The following TENT4A variants were observed in gnomAD, a reference collection of about 807,000 sequenced individuals.
The protein encoded by TENT4A is DNA polymerase kappa.
In TENT4A, 7 loss-of-function variants were observed where a neutral mutation model predicts 72.8. The ratio of observed to expected loss-of-function variants is 0.10; its 90% CI spans 0.05 to 0.18. The LOEUF (loss-of-function observed/expected upper bound fraction) is 0.18. TENT4A is among the 10% of genes least tolerant of loss of function. The pLI is 1.00. For missense variants in TENT4A, 831 were observed against 1,017.7 expected, an observed-to-expected ratio of 0.82 and a Z score of 2.50; for synonymous variants, 456 against 434.3, an observed-to-expected ratio of 1.05 and a Z score of -0.62.
In TENT4A at chr5:6,738,687, A is replaced by G. The variant is rs373735447; in HGVS notation, c.845A>G (p.Gln282Arg). The G allele has an allele frequency of 1.2e-6, 2 of 1,612,498 alleles. No individual in the cohort carries two copies. Among genetic ancestry groups the G allele is most frequent in the South Asian group, 1.1e-5 (1 of 91,046 alleles). ...GGCAACCACTCTTTCTTTCAGGTAC[A>G]GATATTTGGCAGCTTTAGTACAGGT... ...VKDLWPTADV[Q>R]IFGSFSTGLY... The change falls in exon 3 of 13, where the codon CAG becomes CGG. Residue 282 changes from glutamine to arginine, a missense_variant. Around this residue, in one of 3 missense-constraint regions of TENT4A, gnomAD observed 197 missense variants for 399.6 expected, o/e 0.49. Transcript: ENST00000230859.
In TENT4A at chr5:6,713,981, T is replaced by A; in HGVS notation, c.-3T>A. ...GCGCGGGCCCCGCGGGGGCGGCGCG[T>A]GGATGGATCCGCGCGTGGCCTGGAT... On this transcript the variant is annotated 5_prime_UTR_variant, in exon 1 of 13. Transcript: ENST00000230859. The A allele has an allele frequency of 1.0e-6, 1 of 973,024 alleles. No individual in the cohort carries two copies. Among genetic ancestry groups the A allele is most frequent in the Non-Finnish European group, 1.2e-6 (1 of 822,032 alleles). 60.3% of individuals were successfully genotyped at this position (973,024 alleles called of 1,614,324 possible).
At chr5:6,732,929 C>A (rs1265802708) in intron 1 of TENT4A, among the ~76,000 whole-genome samples, 2 of 152,160 alleles carry the variant, frequency 1.3e-5, no homozygotes, top group African/African-American at 2.4e-5. Context: ...GATCCTACTT[C>A]TTTTCTACAC....
chr5:6,725,000 G>T (rs115323449), intron 1 of TENT4A, among the ~76,000 whole-genome samples: 1 of 152,228 alleles, frequency 6.6e-6, no homozygotes, highest in African/African-American at 2.4e-5. Context: ...AGAGCAAAGC[G>T]AGAATTGTCC....
At chr5:6,746,472 G>T (rs754238421) in intron 7 of TENT4A, 45 bp downstream of exon 7, 15 of 1,578,868 alleles carry the variant, frequency 9.5e-6, no homozygotes, top group Non-Finnish European at 1.3e-5. Flanking sequence ...GGCCAGCCTC[G>T]GGGACGTGCT....
chr5:6,714,775 T>G (rs1188986263), intron 1 of TENT4A, 76 bp downstream of exon 1: 118 of 508,678 alleles, frequency 2.3e-4, no homozygotes, highest in South Asian at 3.3e-4. Flanking sequence ...CAGACACCCG[T>G]CCCAGGCGCC....
intron 1 of TENT4A, 147 bp downstream of exon 1, chr5:6,714,846 T>G: frequency 2.9e-6 from 1 of 342,420 alleles, no homozygotes; most frequent in Non-Finnish European, 5.0e-6. Flanking sequence ...CACTGAAAGT[T>G]TTTTTTTTAA....
At chr5:6,742,635 G>A in intron 5 of TENT4A, 38 bp downstream of exon 5, 1 of 1,211,190 alleles carries the variant, frequency 8.3e-7, no homozygotes. Flanking sequence ...GAGAGTGCAG[G>A]ACTGGAGTGC....
intron 7 of TENT4A, 141 bp from the exon 8 acceptor site, chr5:6,748,323 G>T: frequency 9.0e-7 from 1 of 1,113,756 alleles, no homozygotes; most frequent in Admixed American, 1.8e-5. Context: ...CATTGTGTTC[G>T]CCTGTCTGGG....
Position 6,714,431 on chromosome 5 carries a change from T to C in TENT4A, c.448T>C (p.Phe150Leu). Residue 150 changes from phenylalanine (F) to leucine (L), a missense_variant, in exon 1 of 13, where the codon TTC becomes CTC. Transcript: ENST00000230859. ...GGGCGGCGGCCGCGGCGGCGCCTTC[T>C]TCAACTTCGCCGACGGCGCGCCCAG... ...RPGGGRGGAFFNFADGAPSAP... is the reference protein window; with the variant it reads ...RPGGGRGGAFLNFADGAPSAP... 1 of 1,164,510 alleles carries C rather than the reference T, an allele frequency of 8.6e-7. No homozygotes were observed. Among genetic ancestry groups the C allele is most frequent in the African/African-American group, 1.6e-5 (1 of 61,130 alleles). 72.1% of individuals were successfully genotyped at this position (1,164,510 alleles called of 1,614,324 possible). A position where few individuals can be genotyped will look rare whatever the true frequency, so the allele number is the denominator to read the frequency against.
In TENT4A at chr5:6,738,815, A is replaced by T. The variant is rs530064833; in HGVS notation, c.887+86A>T. ...TAAGGGCTACAAATAGATTCTTTGT[A>T]ATTGAGTCTAAGGCGAGAAATGCCA... is the stretch of plus-strand genomic sequence containing the variant. On this transcript the variant is annotated intron_variant, in intron 3 of 12. Transcript: ENST00000230859. The T allele has an allele frequency of 3.5e-4, 354 of 1,001,426 alleles. 1 individual carries two copies. The East Asian group carries it at 7.7e-3, about 22-fold the overall frequency. The allele number at this position is 1,001,426 out of a possible 1,614,324, so 62.0% of individuals were successfully genotyped here. A position where few individuals can be genotyped will look rare whatever the true frequency, so the allele number is the denominator to read the frequency against.
chr5:6,748,441 C>G, intron 7 of TENT4A, 23 bp from the exon 8 acceptor site: 2 of 1,613,192 alleles, frequency 1.2e-6, no homozygotes, highest in Non-Finnish European at 1.7e-6. Context: ...TGGGGAGGGT[C>G]TGACATAGCC....
intron 1 of TENT4A, among the ~76,000 whole-genome samples, chr5:6,735,928 T>C (rs1401752713): frequency 6.6e-6 from 1 of 152,090 alleles, no homozygotes; most frequent in Non-Finnish European, 1.5e-5. Flanking sequence ...GCCTGGCTAA[T>C]TTTTTTCTAT....
intron 4 of TENT4A, among the ~76,000 whole-genome samples, chr5:6,740,518 T>C (rs907181957): frequency 6.6e-6 from 1 of 152,168 alleles, no homozygotes; most frequent in South Asian, 2.1e-4. Context: ...CACATCCTTA[T>C]AGTGTTTAGC....
chr5:6,742,411 A>G, intron 4 of TENT4A, 79 bp from the exon 5 acceptor site: 1 of 885,100 alleles, frequency 1.1e-6, no homozygotes, highest in Non-Finnish European at 1.9e-6. Flanking sequence ...AAACCTCTGT[A>G]CAGCTTTGGC....
chr5:6,741,305 T>C (rs1741793888), intron 4 of TENT4A, among the ~76,000 whole-genome samples: 1 of 152,206 alleles, frequency 6.6e-6, no homozygotes, highest in South Asian at 2.1e-4. Context: ...GGGCGAGGGC[T>C]GAGTTTAAGG....
intron 1 of TENT4A, among the ~76,000 whole-genome samples, 168 bp from the exon 2 acceptor site, chr5:6,737,342 G>A (rs1741559939): frequency 6.6e-6 from 1 of 152,262 alleles, no homozygotes; most frequent in Non-Finnish European, 1.5e-5. Flanking sequence ...AAGTCATACT[G>A]TGTAAGTTTG....
chr5:6,746,071 T>G, intron 6 of TENT4A, 143 bp from the exon 7 acceptor site: 4 of 1,508,956 alleles, frequency 2.7e-6, no homozygotes, highest in Non-Finnish European at 2.6e-6. Flanking sequence ...CTGTTCAGGC[T>G]TCCTCGTGGT....
At chr5:6,726,991 A>T (rs942201190) in intron 1 of TENT4A, among the ~76,000 whole-genome samples, 1 of 151,986 alleles carries the variant, frequency 6.6e-6, no homozygotes, top group Non-Finnish European at 1.5e-5. Context: ...TAGCTCTCTT[A>T]GTACATGGGC....
chr5:6,743,915 G>C (rs574202089), intron 6 of TENT4A, 75 bp downstream of exon 6: 2 of 1,350,710 alleles, frequency 1.5e-6, no homozygotes, highest in South Asian at 2.6e-5. Context: ...TTGCCTAGTG[G>C]GTTCCAGCAG....
Sources: gnomAD v4.1 joint callset for allele counts (sites outside exome capture counted in the v4.1 genomes callset) on GRCh38, gnomAD v4.1.1 for gene constraint, gnomAD v4.1.1 regional missense constraint, MANE v1.5 for transcripts, NCBI Gene and HGNC (gene_info 2026-07-23, HGNC 2026-07-21) for gene names.